The following GRID1 variants were observed in gnomAD, a reference collection of about 807,000 sequenced individuals.
The protein encoded by GRID1 is glutamate receptor ionotropic, delta-1.
GRID1 carries 28 observed loss-of-function variants against 98.0 expected under a neutral mutation model. The observed-to-expected ratio is 0.29, with a 90% CI of 0.21 to 0.39. The LOEUF (loss-of-function observed/expected upper bound fraction) is 0.39. Among genes scored for constraint, GRID1 ranks in the 10% least tolerant of loss-of-function variants. GRID1 has a pLI of 1.00. For missense variants in GRID1, 1,111 were observed against 1,340.5 expected (o/e 0.83, Z 2.67); for synonymous variants, 553 against 538.5 (o/e 1.03, Z -0.37).
At chr10:86,360,724 A>C (rs1036701078) in intron 2 of GRID1, among the ~76,000 whole-genome samples, 1 of 152,230 alleles carries the variant, frequency 6.6e-6, no homozygotes, top group African/African-American at 2.4e-5. Context: ...GTCTCATCTC[A>C]TTTAATCCTC....
intron 3 of GRID1, among the ~76,000 whole-genome samples, chr10:86,165,560 T>C (rs1845387161): frequency 6.6e-6 from 1 of 152,206 alleles, no homozygotes; most frequent in Non-Finnish European, 1.5e-5. Context: ...AGAGGCGGCC[T>C]GTGGCTGGCC....
At chr10:86,133,363 C>G (rs1844868134) in intron 4 of GRID1, among the ~76,000 whole-genome samples, 1 of 152,166 alleles carries the variant, frequency 6.6e-6, no homozygotes, top group Non-Finnish European at 1.5e-5. Context: ...CCTGGTCTCC[C>G]ACACCTTTCT....
chr10:85,724,113 T>A (rs1192785322), intron 11 of GRID1, among the ~76,000 whole-genome samples: 1 of 152,226 alleles, frequency 6.6e-6, no homozygotes, highest in East Asian at 1.9e-4. Flanking sequence ...ACTCCAAAGT[T>A]AATTTTATCT....
chr10:85,750,147 A>C (rs1287313822), intron 8 of GRID1, among the ~76,000 whole-genome samples: 1 of 152,220 alleles, frequency 6.6e-6, no homozygotes, highest in Non-Finnish European at 1.5e-5. Flanking sequence ...AAAGATATGC[A>C]TACCTATTTT....
chr10:85,638,942 T>C (rs911698620), intron 13 of GRID1, among the ~76,000 whole-genome samples: 1 of 152,178 alleles, frequency 6.6e-6, no homozygotes, highest in Non-Finnish European at 1.5e-5. Flanking sequence ...TAATGCAGGA[T>C]AGGACATTCA....
chr10:85,763,893 A>C (rs910600232), intron 8 of GRID1, among the ~76,000 whole-genome samples: 1 of 152,190 alleles, frequency 6.6e-6, no homozygotes, highest in African/African-American at 2.4e-5. Flanking sequence ...CTTGGGAAAT[A>C]ATTTCATCTC....
chr10:85,620,313 C>T (rs745378171), intron 13 of GRID1, among the ~76,000 whole-genome samples: 3 of 152,202 alleles, frequency 2.0e-5, no homozygotes, highest in Non-Finnish European at 2.9e-5. Flanking sequence ...CTAAGACGAG[C>T]TTCCTGGTCA....
intron 4 of GRID1, among the ~76,000 whole-genome samples, chr10:85,965,119 T>C (rs1306830691): frequency 6.6e-6 from 1 of 152,192 alleles, no homozygotes; most frequent in East Asian, 1.9e-4. Flanking sequence ...ATGGCAATCA[T>C]TGAAAAGTCA....
intron 8 of GRID1, among the ~76,000 whole-genome samples, chr10:85,737,859 C>T (rs11814325): frequency 0.12 from 17,887 of 151,018 alleles, 1,226 homozygotes; most frequent in Middle Eastern, 0.22. Context: ...TCAAATGGTA[C>T]AAAACCACTC....
chr10:85,820,751 A>G (rs1045201320), intron 8 of GRID1, among the ~76,000 whole-genome samples: 7 of 152,240 alleles, frequency 4.6e-5, no homozygotes, highest in African/African-American at 1.7e-4. Flanking sequence ...AAAAATTTTT[A>G]AACTTATCTA....
At chr10:86,043,336 C>T (rs965544931) in intron 4 of GRID1, among the ~76,000 whole-genome samples, 1 of 152,210 alleles carries the variant, frequency 6.6e-6, no homozygotes. Flanking sequence ...TGGAAAAGAG[C>T]TCCCTCTATA....
intron 4 of GRID1, among the ~76,000 whole-genome samples, chr10:86,116,330 C>T (rs1488805046): frequency 6.6e-6 from 1 of 152,124 alleles, no homozygotes; most frequent in Non-Finnish European, 1.5e-5. Flanking sequence ...AGTGTTAAGG[C>T]CAAGGCACAT....
chr10:86,247,985 A>C (rs1388430687), intron 2 of GRID1, among the ~76,000 whole-genome samples: 1 of 152,180 alleles, frequency 6.6e-6, no homozygotes, highest in Non-Finnish European at 1.5e-5. Context: ...TGACAACCAG[A>C]TCCCCCCACA....
At chr10:85,812,094 C>T (rs1842676968) in intron 8 of GRID1, among the ~76,000 whole-genome samples, 1 of 152,054 alleles carries the variant, frequency 6.6e-6, no homozygotes, top group Admixed American at 6.5e-5. Flanking sequence ...AAGAACTAGG[C>T]AAAACTGTTA....
intron 4 of GRID1, among the ~76,000 whole-genome samples, chr10:86,019,860 C>T (rs1843027014): frequency 6.6e-6 from 1 of 152,250 alleles, no homozygotes; most frequent in South Asian, 2.1e-4. Flanking sequence ...TCGAGGAGCA[C>T]ACTGATGGCA....
intron 2 of GRID1, among the ~76,000 whole-genome samples, chr10:86,228,801 G>A (rs1339322201): frequency 1.3e-5 from 2 of 152,092 alleles, no homozygotes; most frequent in East Asian, 1.9e-4. Context: ...CTCCTGGCCC[G>A]GCCACTCTTT....
chr10:86,158,476 A>C (rs893157357), intron 3 of GRID1, among the ~76,000 whole-genome samples: 1 of 152,128 alleles, frequency 6.6e-6, no homozygotes, highest in African/African-American at 2.4e-5. Flanking sequence ...TTTCACCAGC[A>C]CCCTGACTCC....
In GRID1 at chr10:86,202,524, A is replaced by AT. The variant is rs569490768; in HGVS notation, c.520+3839dup. 2.2e-3 allele frequency among the ~76,000 whole-genome samples: 332 copies of AT among 152,364 alleles called. 1 individual carries two copies. The highest frequency in any genetic ancestry group is 7.7e-3 in the African/African-American group (321 of 41,596). ...ATTCTTTTCGATCCAAACTTTTGGT[A>AT]TTTTAATGTTGCAAATTTTCTCTCT... On this transcript the variant is annotated intron_variant, in intron 3 of 15. Transcript: ENST00000327946.
chr10:86,119,253 T>C (rs900672695), intron 4 of GRID1, among the ~76,000 whole-genome samples: 3 of 152,164 alleles, frequency 2.0e-5, no homozygotes, highest in Non-Finnish European at 4.4e-5. Flanking sequence ...GAAGATTGCT[T>C]GAGCCTTGGA....
Sources: allele counts gnomAD v4.1 joint callset (sites outside exome capture counted in the v4.1 genomes callset), GRCh38; gene constraint gnomAD v4.1.1; transcripts MANE v1.5; gene names NCBI Gene and HGNC (gene_info 2026-07-23, HGNC 2026-07-21).